NAV2: variants seen among roughly 807,000 people sequenced by gnomAD.
NAV2 encodes neuron navigator 2, also known as helicase, APC down-regulated 1.
In NAV2, 54 loss-of-function variants were observed where a neutral mutation model predicts 223.2. That is an observed-to-expected ratio of 0.24 (90% CI 0.19 to 0.30). The LOEUF is 0.30. Among genes scored for constraint, NAV2 ranks in the 10% least tolerant of loss-of-function variants. NAV2 has a pLI of 1.00. For missense variants in NAV2, 2,806 were observed against 3,147.5 expected, an observed-to-expected ratio of 0.89 and a Z score of 2.60; for synonymous variants, 1,279 against 1,239.3, an observed-to-expected ratio of 1.03 and a Z score of -0.67.
chr11:20,073,442 G>A (rs9735766), intron 22 of NAV2, among the ~76,000 whole-genome samples: 49,066 of 151,988 alleles, frequency 0.32, 8,573 homozygotes, highest in African/African-American at 0.46. Context: ...GGATGATGCT[G>A]GCCTCATAAA....
chr11:19,608,807 A>G (rs2046551191), intron 1 of NAV2, among the ~76,000 whole-genome samples: 1 of 152,204 alleles, frequency 6.6e-6, no homozygotes, highest in Non-Finnish European at 1.5e-5. Context: ...TGGAGGTCCG[A>G]GTTGAAAATC....
chr11:19,552,894 TG>T (rs1007024459), intron 1 of NAV2, among the ~76,000 whole-genome samples: 3 of 31,418 alleles, frequency 9.5e-5, no homozygotes, highest in South Asian at 1.7e-3. Flanking sequence ...TGAGTGTGTG[TG>T]GGGGGGAAGG....
At position 19,987,350 on chromosome 11, in the gene NAV2, AAGAT is replaced by A. The variant is rs568629406; in HGVS notation, c.2768+3106_2768+3109del. ...GTTTTTCCAGGAAGTTCTGTATAAA[AAGAT>A]AGCCTGGTCCTTTTTCCATTCACAC... On this transcript the variant is annotated intron_variant, in intron 11 of 37. Coordinates refer to ENST00000349880, the MANE Select transcript of NAV2 (RefSeq NM_145117.5). Among the ~76,000 whole-genome samples, 25 of 152,358 alleles carry A rather than the reference AAGAT, an allele frequency of 1.6e-4. 1 individual carries two copies. The South Asian group carries it at 5.0e-3, about 30-fold the overall frequency.
At chr11:19,688,293 C>T (rs1469664872) in intron 1 of NAV2, among the ~76,000 whole-genome samples, 5 of 152,164 alleles carry the variant, frequency 3.3e-5, no homozygotes, top group African/African-American at 7.2e-5. Flanking sequence ...AAGTGTAATG[C>T]TTAGGCAAGC....
chr11:19,621,969 T>C (rs2047012198), intron 1 of NAV2, among the ~76,000 whole-genome samples: 1 of 152,220 alleles, frequency 6.6e-6, no homozygotes, highest in African/African-American at 2.4e-5. Flanking sequence ...TTGTTCTCAT[T>C]GGTTTCAAAG....
intron 1 of NAV2, among the ~76,000 whole-genome samples, chr11:19,720,088 G>A (rs779436828): frequency 6.6e-6 from 1 of 152,238 alleles, no homozygotes; most frequent in Non-Finnish European, 1.5e-5. Context: ...TGTAATGAGA[G>A]CTGGACCTTG....
intron 1 of NAV2, among the ~76,000 whole-genome samples, chr11:19,681,282 G>A (rs1285620212): frequency 6.6e-6 from 1 of 152,166 alleles, no homozygotes; most frequent in Admixed American, 6.5e-5. Flanking sequence ...AATGTGCCAG[G>A]CATTGAAGTA....
intron 14 of NAV2, among the ~76,000 whole-genome samples, chr11:20,046,949 T>C (rs1010488566): frequency 1.3e-5 from 2 of 152,192 alleles, no homozygotes; most frequent in Admixed American, 6.5e-5. Context: ...CACATGTACA[T>C]ATCTGGGGAT....
At chr11:19,778,580 C>G (rs192394864) in intron 1 of NAV2, among the ~76,000 whole-genome samples, 1 of 152,154 alleles carries the variant, frequency 6.6e-6, no homozygotes, top group East Asian at 1.9e-4. Flanking sequence ...CATTGGATAC[C>G]AAGATGCTAA....
At chr11:20,111,378 G>A (rs766128875) in intron 36 of NAV2, among the ~76,000 whole-genome samples, 8 of 152,180 alleles carry the variant, frequency 5.3e-5, no homozygotes, top group Non-Finnish European at 1.0e-4. Context: ...TGCTGCCCTC[G>A]GGGCCTGCAG....
chr11:19,819,896 T>C (rs1330223766), intron 1 of NAV2, among the ~76,000 whole-genome samples: 1 of 152,226 alleles, frequency 6.6e-6, no homozygotes, highest in South Asian at 2.1e-4. Context: ...TCTCTCATTC[T>C]ATCCCCTCAA....
intron 10 of NAV2, among the ~76,000 whole-genome samples, chr11:19,971,443 G>T (rs1416100299): frequency 6.6e-6 from 1 of 152,110 alleles, no homozygotes; most frequent in Non-Finnish European, 1.5e-5. Flanking sequence ...GTATAAAAAA[G>T]CCTTTTTACA....
In NAV2 at chr11:20,010,433, C is replaced by G. The variant is rs185142597; in HGVS notation, c.2769-25526C>G. On this transcript the variant is annotated intron_variant, in intron 11 of 37. Transcript: ENST00000349880. ...AAATAGGGGCTTAATAATTGTGAGTCTCCTTTTCTCCCTGGAGTTTGACAT... is the reference window on the plus strand; with the variant it reads ...AAATAGGGGCTTAATAATTGTGAGTGTCCTTTTCTCCCTGGAGTTTGACAT... 2.6e-5 allele frequency among the ~76,000 whole-genome samples: 4 copies of G among 152,296 alleles called. No individual in the cohort carries two copies. In the East Asian group the frequency reaches 7.7e-4, roughly 29 times the overall value.
intron 1 of NAV2, among the ~76,000 whole-genome samples, chr11:19,355,477 A>G (rs778168537): frequency 2.6e-5 from 4 of 152,000 alleles, no homozygotes; most frequent in Non-Finnish European, 5.9e-5. Flanking sequence ...GTAATATACT[A>G]TCATATTTGC....
In NAV2 at chr11:20,080,094, G is replaced by T; in HGVS notation, c.5210G>T (p.Arg1737Leu). Residue 1737 changes from arginine to leucine, a missense_variant, in exon 25 of 38, where the codon CGC (arginine) becomes CTC (leucine). Transcript: ENST00000349880. Reference sequence around the variant, plus strand: ...GGCACTGCCCAGTCTGCAGACCTCCGCATCCGCAGGCAGCACTCCTCAGAC... The same window carrying T: ...GGCACTGCCCAGTCTGCAGACCTCCTCATCCGCAGGCAGCACTCCTCAGAC... ...GNGTAQSADL[R>L]IRRQHSSDSV... is the part of the protein sequence containing the mutation. 1.2e-6 allele frequency: 2 copies of T among 1,614,052 alleles called. No individual in the cohort carries two copies. The highest frequency in any genetic ancestry group is 1.7e-6 in the Non-Finnish European group (2 of 1,180,004).
At chr11:19,829,143 C>T (rs896866867) in intron 1 of NAV2, among the ~76,000 whole-genome samples, 19 of 152,262 alleles carry the variant, frequency 1.2e-4, no homozygotes, top group African/African-American at 4.1e-4. Context: ...TCAGCTGTGC[C>T]CTTGTTGATG....
At chr11:19,591,443 G>A (rs1466992103) in intron 1 of NAV2, among the ~76,000 whole-genome samples, 1 of 152,126 alleles carries the variant, frequency 6.6e-6, no homozygotes, top group Non-Finnish European at 1.5e-5. Context: ...CTCTACTTAG[G>A]AACAGTCTTA....
chr11:19,659,656 C>T (rs796918959), intron 1 of NAV2, among the ~76,000 whole-genome samples: 6 of 152,154 alleles, frequency 3.9e-5, no homozygotes, highest in African/African-American at 1.4e-4. Context: ...ATATGGGCTG[C>T]AAGGTTAGAA....
At chr11:19,459,041 G>C (rs1286907787) in intron 1 of NAV2, among the ~76,000 whole-genome samples, 6 of 152,248 alleles carry the variant, frequency 3.9e-5, no homozygotes, top group African/African-American at 1.4e-4. Context: ...GGGAAGGCGG[G>C]CTGGGGTCCT....
Sources: allele counts gnomAD v4.1 joint callset (sites outside exome capture counted in the v4.1 genomes callset), GRCh38; gene constraint gnomAD v4.1.1; transcripts MANE v1.5; gene names NCBI Gene and HGNC (gene_info 2026-07-23, HGNC 2026-07-21).